Variants in NRXN2 observed in about 807,000 individuals in gnomAD.
The protein encoded by NRXN2 is neurexin-2-beta.
In NRXN2, 29 loss-of-function variants were observed where a neutral mutation model predicts 128.8. The observed-to-expected ratio is 0.23, with a 90% CI of 0.17 to 0.31. The LOEUF is 0.31. Ranked by LOEUF, NRXN2 falls within the 10% of genes least tolerant of loss-of-function variation. NRXN2 has a pLI of 1.00. For synonymous variants in NRXN2, 1,098 were observed against 1,075.2 expected (o/e 1.02, Z -0.41); for missense variants, 1,881 against 2,452.6 (o/e 0.77, Z 4.92).
At chr11:64,613,677 C>CCTGAG (rs1451141550) in intron 22 of NRXN2, among the ~76,000 whole-genome samples, 7 of 152,178 alleles carry the variant, frequency 4.6e-5, no homozygotes, top group Non-Finnish European at 8.8e-5. Flanking sequence ...GTAGGGTGCA[C>CCTGAG]CTGAGTGAGA....
rs958726027 is a variant in NRXN2 at position 64,606,522 on chromosome 11, G to C, written c.*674C>G. On this transcript the variant is annotated 3_prime_UTR_variant, in exon 23 of 23. Transcript: ENST00000265459. ...GCGGCACACACAGAACAGGCCTTCC[G>C]TCAGGCCTGAGCCCCTTCCCTGGGC... 1 of 139,072 alleles carries C rather than the reference G, an allele frequency of 7.2e-6. No individual in the cohort carries two copies. Among genetic ancestry groups the C allele is most frequent in the Admixed American group, 8.4e-5 (1 of 11,942 alleles). The allele number at this position is 139,072 out of a possible 1,614,324, so 8.6% of individuals were successfully genotyped here.
In NRXN2 at chr11:64,648,137, C is replaced by T. The variant is rs1202280014; in HGVS notation, c.3403+82G>A. 4 of 1,589,376 alleles carry T rather than the reference C, an allele frequency of 2.5e-6. No homozygotes were observed. In the South Asian group the frequency reaches 4.4e-5, roughly 18 times the overall value. Reference sequence around the variant, plus strand: ...GCACAGCTCCTGAATGCTCAGAGGCCCTGTTTCCTCCCTGGCAGCCCCTAT... The same window carrying T: ...GCACAGCTCCTGAATGCTCAGAGGCTCTGTTTCCTCCCTGGCAGCCCCTAT... On this transcript the variant is annotated intron_variant, in intron 17 of 22. Transcript: ENST00000265459. This position sits in a 1 kb window ranked among gnomAD's most constrained non-coding sequence, Gnocchi z 4.1.
At chr11:64,611,697 T>C (rs1227166256) in intron 22 of NRXN2, among the ~76,000 whole-genome samples, 2 of 152,202 alleles carry the variant, frequency 1.3e-5, no homozygotes, top group Non-Finnish European at 2.9e-5. Flanking sequence ...GTCACCCTTC[T>C]GCAGCCTTCC....
At chr11:64,706,584 T>C (rs1332493748) in intron 2 of NRXN2, among the ~76,000 whole-genome samples, 1 of 152,048 alleles carries the variant, frequency 6.6e-6, no homozygotes, top group Admixed American at 6.6e-5. Flanking sequence ...TCAATGTGAG[T>C]TAAATAATTT....
At chr11:64,675,488 AGGCCAGGCAGCTGCC>A (rs2051182111) in intron 7 of NRXN2, 1 of 152,252 alleles carries the variant, frequency 6.6e-6, no homozygotes, top group South Asian at 2.1e-4. Flanking sequence ...GAGGCTGGGC[AGGCCAGGCAGCTGCC>A]CCACGGGAGC....
intron 22 of NRXN2, among the ~76,000 whole-genome samples, chr11:64,617,605 T>G (rs1387861978): frequency 6.6e-6 from 1 of 152,168 alleles, no homozygotes; most frequent in Non-Finnish European, 1.5e-5. Context: ...GACCCAGGGA[T>G]GAGGATCTGC....
chr11:64,717,018 C>G (rs1026982507), intron 1 of NRXN2, among the ~76,000 whole-genome samples: 2 of 152,126 alleles, frequency 1.3e-5, no homozygotes, highest in African/African-American at 4.8e-5. Flanking sequence ...CAGGGGGCTC[C>G]TGCTACCCTG....
rs2043086856 is a variant in NRXN2, at chr11:64,626,512, T to G, written c.3798A>C (p.Arg1266Ser). The change falls in exon 20 of 23, where the codon AGA becomes AGC. Residue 1266 changes from arginine to serine, a missense_variant. Transcript: ENST00000265459. Reference protein sequence around the residue: ...DNERLAIARQRIPYRLGRVVD... With the variant: ...DNERLAIARQSIPYRLGRVVD... ...CTACTCGACCAAGCCGGTAGGGGAT[T>G]CTCTGTCTAGCAATCGCCAGGCGCT... 6.2e-7 allele frequency: 1 copy of G among 1,614,038 alleles called. No individual in the cohort carries two copies. Among genetic ancestry groups the G allele is most frequent in the South Asian group, 1.1e-5 (1 of 91,084 alleles).
chr11:64,634,280 G>A (rs1053910023), intron 18 of NRXN2, among the ~76,000 whole-genome samples: 1 of 152,186 alleles, frequency 6.6e-6, no homozygotes. Context: ...GCTGTTAGGG[G>A]CCAGAAATGT....
At chr11:64,690,538 T>C in intron 4 of NRXN2, 62 bp from the exon 5 acceptor site, 1 of 1,435,172 alleles carries the variant, frequency 7.0e-7, no homozygotes, top group Non-Finnish European at 9.7e-7. Flanking sequence ...TCCCCAGCCT[T>C]GAGGGGATGA....
intron 17 of NRXN2, chr11:64,642,885 C>T (rs1313208068): frequency 5.8e-6 from 6 of 1,032,332 alleles, no homozygotes; most frequent in African/African-American, 3.5e-5. Flanking sequence ...AGCCCCCCTC[C>T]GGCTCCGAGC....
At position 64,651,983 on chromosome 11, in the gene NRXN2, C is replaced by T; in HGVS notation, c.2536+52G>A. 6.2e-7 allele frequency: 1 copy of T among 1,603,870 alleles called. No homozygotes were observed. On this transcript the variant is annotated intron_variant, in intron 13 of 22. Transcript: ENST00000265459. The surrounding 1 kb of genome is among the most constrained non-coding windows in gnomAD (Gnocchi z 5.9). ...CAGTAGTCACCAAGTAGAACAGGGC[C>T]AAGCATAGGTCACTGGAGATGTGTC...
intron 9 of NRXN2, among the ~76,000 whole-genome samples, chr11:64,665,920 G>A (rs1165579107): frequency 6.6e-6 from 1 of 152,134 alleles, no homozygotes; most frequent in Non-Finnish European, 1.5e-5. Flanking sequence ...TGAAATGAAG[G>A]GTAAAGAAGA....
rs1420860134 is a variant in NRXN2, at chr11:64,681,557, G to A, written c.1152+4089C>T. ...AAAAAAATACAACTAATTCGTGCCAGGCACTGTGTTGAGTGTTTTAAGGCA... is the reference window on the plus strand; with the variant it reads ...AAAAAAATACAACTAATTCGTGCCAAGCACTGTGTTGAGTGTTTTAAGGCA... On this transcript the variant is annotated intron_variant, in intron 6 of 22. Transcript: ENST00000265459. Among the ~76,000 whole-genome samples, 4 of 152,334 alleles carry A rather than the reference G, an allele frequency of 2.6e-5. No individual in the cohort carries two copies. The East Asian group carries it at 5.8e-4, about 22-fold the overall frequency.
Position 64,635,479 on chromosome 11 carries a change from G to A in NRXN2, c.3404-27C>T. The A allele has an allele frequency of 6.2e-7, 1 of 1,612,768 alleles. No homozygotes were observed. Among genetic ancestry groups the A allele is most frequent in the Non-Finnish European group, 8.5e-7 (1 of 1,179,584 alleles). Reference sequence around the variant, plus strand: ...TGCAGAGAGAAGGAAAGGGAGACAAGAAGAAATGACATCAGGAGGACGAGG... The same window carrying A: ...TGCAGAGAGAAGGAAAGGGAGACAAAAAGAAATGACATCAGGAGGACGAGG... On this transcript the variant is annotated intron_variant, in intron 17 of 22. Coordinates refer to ENST00000265459, the MANE Select transcript of NRXN2 (RefSeq NM_015080.4). This position sits in a 1 kb window ranked among gnomAD's most constrained non-coding sequence, Gnocchi z 4.8.
At chr11:64,657,775 C>T (rs2048474529) in intron 11 of NRXN2, among the ~76,000 whole-genome samples, 1 of 152,168 alleles carries the variant, frequency 6.6e-6, no homozygotes. Flanking sequence ...GAGGAGGAAT[C>T]TGTAGACGGA....
chr11:64,658,196 T>C (rs1473998616), intron 11 of NRXN2, among the ~76,000 whole-genome samples: 4 of 152,210 alleles, frequency 2.6e-5, no homozygotes, highest in Non-Finnish European at 4.4e-5. Context: ...AGATTTTTCC[T>C]GCTGTGTCCC....
In NRXN2 at chr11:64,632,074, C is replaced by T. The variant is rs1303626877; in HGVS notation, c.3586-1501G>A. On this transcript the variant is annotated intron_variant, in intron 18 of 22. Transcript: ENST00000265459. The surrounding 1 kb of genome is among the most constrained non-coding windows in gnomAD (Gnocchi z 4.2). ...ACCTCCTTCCTGCATCTAGCAGAGC[C>T]GAGAGGCTTGGTGGCACTGGGGGTG... Among the ~76,000 whole-genome samples the T allele has an allele frequency of 3.3e-5, 5 of 152,270 alleles. No individual in the cohort carries two copies. The highest frequency in any genetic ancestry group is 7.2e-5 in the African/African-American group (3 of 41,540).
At position 64,631,476 on chromosome 11, in the gene NRXN2, G is replaced by T. The variant is rs895895294; in HGVS notation, c.3586-903C>A. ...TTGTGGTGCTAGAGTGGGAGGGAGG[G>T]CTTCACCAAACCCTAAATCATGCCA... On this transcript the variant is annotated intron_variant, in intron 18 of 22. Transcript: ENST00000265459. This position sits in a 1 kb window ranked among gnomAD's most constrained non-coding sequence, Gnocchi z 4.8. Among the ~76,000 whole-genome samples the T allele has an allele frequency of 6.6e-6, 1 of 151,938 alleles. No homozygotes were observed. Among genetic ancestry groups the T allele is most frequent in the Non-Finnish European group, 1.5e-5 (1 of 67,986 alleles).
Sources: allele counts gnomAD v4.1 joint callset (sites outside exome capture counted in the v4.1 genomes callset), GRCh38; gene constraint gnomAD v4.1.1; non-coding constraint Gnocchi (gnomAD v3.1); transcripts MANE v1.5; gene names NCBI Gene and HGNC (gene_info 2026-07-23, HGNC 2026-07-21).